Variants in PCGF3 observed in about 807,000 individuals in gnomAD.
The protein encoded by PCGF3 is polycomb group RING finger protein 3.
PCGF3 carries 7 observed loss-of-function variants against 33.1 expected under a neutral mutation model. That is an observed-to-expected ratio of 0.21 (90% CI 0.12 to 0.40). The LOEUF is 0.40. Among genes scored for constraint, PCGF3 ranks in the 10% least tolerant of loss-of-function variants. The pLI is 1.00. For missense variants in PCGF3, 211 were observed against 313.3 expected, an observed-to-expected ratio of 0.67 and a Z score of 2.46; for synonymous variants, 153 against 121.3, an observed-to-expected ratio of 1.26 and a Z score of -1.72.
rs542544890 is a variant in PCGF3, at chr4:730,802, G to C, written c.-151+134G>C. On this transcript the variant is annotated intron_variant, in intron 2 of 10. Transcript: ENST00000362003. ...AAACGCAGGCTCTGAGGACAGGCTG[G>C]AGCCATGCGTGGGTCCTTAGCTTTT... 3 of 385,560 alleles carry C rather than the reference G, an allele frequency of 7.8e-6. No homozygotes were observed. The East Asian group carries it at 1.1e-4, about 14-fold the overall frequency. The allele number at this position is 385,560 out of a possible 1,614,324, so 23.9% of individuals were successfully genotyped here.
At chr4:737,577 C>T (rs1416054148) in intron 6 of PCGF3, 56 bp downstream of exon 6, 3 of 1,093,126 alleles carry the variant, frequency 2.7e-6, no homozygotes, top group Non-Finnish European at 4.2e-6. Flanking sequence ...CTCTGCAGCC[C>T]CTGCTCTCCT....
chr4:758,860 C>G (rs373872209), intron 8 of PCGF3, among the ~76,000 whole-genome samples: 4 of 10,640 alleles, frequency 3.8e-4, no homozygotes, highest in Non-Finnish European at 4.2e-4. Flanking sequence ...CTCCCGAGTT[C>G]TTCTCCTTCC....
At position 721,993 on chromosome 4, in the gene PCGF3, G is replaced by A. The variant is rs1302929047; in HGVS notation, c.-189-8637G>A. ...AGGTGGATGGGTTGGGTGGCTCTGT[G>A]TGTGGGCGTGGAGAGGCCCGTGGCA... On this transcript the variant is annotated intron_variant, in intron 1 of 10. Transcript: ENST00000362003. The surrounding 1 kb of genome is among the most constrained non-coding windows in gnomAD (Gnocchi z 4.1). 6.6e-6 allele frequency among the ~76,000 whole-genome samples: 1 copy of A among 152,092 alleles called. No individual in the cohort carries two copies. Among genetic ancestry groups the A allele is most frequent in the Non-Finnish European group, 1.5e-5 (1 of 67,994 alleles).
At chr4:753,680 G>A (rs924352327) in intron 8 of PCGF3, among the ~76,000 whole-genome samples, 2 of 151,580 alleles carry the variant, frequency 1.3e-5, no homozygotes, top group Non-Finnish European at 2.9e-5. Flanking sequence ...AGGCACGGTG[G>A]CTCACGCCTG....
intron 5 of PCGF3, 76 bp from the exon 6 acceptor site, chr4:737,390 A>T: frequency 1.0e-6 from 1 of 960,248 alleles, no homozygotes. Flanking sequence ...GAACTTTGAT[A>T]TTGTTAAATG....
chr4:730,433 C>T (rs1238302657), intron 1 of PCGF3, among the ~76,000 whole-genome samples, 197 bp from the exon 2 acceptor site: 1 of 152,130 alleles, frequency 6.6e-6, no homozygotes. Context: ...GGCCTGGGCT[C>T]AGAGACGCCC....
intron 1 of PCGF3, among the ~76,000 whole-genome samples, chr4:723,224 C>T (rs1383521304): frequency 6.6e-6 from 1 of 152,232 alleles, no homozygotes; most frequent in Non-Finnish European, 1.5e-5. Flanking sequence ...GAGCTGTGTT[C>T]CCTGCGCATT....
At chr4:760,262 C>G (rs1313076255) in intron 8 of PCGF3, among the ~76,000 whole-genome samples, 3 of 152,164 alleles carry the variant, frequency 2.0e-5, no homozygotes, top group South Asian at 2.1e-4. Context: ...ACTTCCTTTC[C>G]TTTCTGTTCT....
chr4:763,506 G>GA (rs1745185566), intron 9 of PCGF3, among the ~76,000 whole-genome samples: 1 of 152,226 alleles, frequency 6.6e-6, no homozygotes, highest in South Asian at 2.1e-4. Flanking sequence ...CATGATCAGG[G>GA]AAACGCAAGG....
rs1577453906 is a variant in PCGF3 at position 766,316 on chromosome 4, C to T, written c.*237C>T. ...CGATCGTCCTCTCCCCCGCCCCACC[C>T]CGTGCTTCAGCCTTGCAGGGAGAGT... On this transcript the variant is annotated 3_prime_UTR_variant, in exon 11 of 11. Coordinates refer to ENST00000362003, the Ensembl canonical transcript of PCGF3. The T allele has an allele frequency of 1.3e-5, 6 of 466,282 alleles. No homozygotes were observed. The East Asian group carries it at 2.3e-4, about 18-fold the overall frequency. 28.9% of individuals were successfully genotyped at this position (466,282 alleles called of 1,614,324 possible). A position where few individuals can be genotyped will look rare whatever the true frequency, so the allele number is the denominator to read the frequency against.
chr4:716,639 TGA>T (rs1742860380), intron 1 of PCGF3, among the ~76,000 whole-genome samples: 1 of 128,998 alleles, frequency 7.8e-6, no homozygotes, highest in Admixed American at 7.8e-5. Flanking sequence ...CTGTAGACAC[TGA>T]GTGTGAGAAC....
At chr4:747,688 G>T (rs574786419) in intron 8 of PCGF3, among the ~76,000 whole-genome samples, 62 of 148,500 alleles carry the variant, frequency 4.2e-4, no homozygotes, top group Middle Eastern at 7.5e-3. Flanking sequence ...GTTAGTGCTC[G>T]CCGTGGAGGC....
intron 8 of PCGF3, among the ~76,000 whole-genome samples, chr4:759,898 C>T (rs1410430126): frequency 1.4e-5 from 2 of 142,096 alleles, no homozygotes; most frequent in South Asian, 2.6e-4. Flanking sequence ...TCTTTCTCCC[C>T]GCGCGGCCCC....
intron 6 of PCGF3, among the ~76,000 whole-genome samples, chr4:738,501 G>C (rs1164464006): frequency 6.6e-6 from 1 of 152,204 alleles, no homozygotes; most frequent in African/African-American, 2.4e-5. Flanking sequence ...GTAGCAGTGG[G>C]CGGGATCGGG....
At chr4:758,100 G>A (rs573476600) in intron 8 of PCGF3, among the ~76,000 whole-genome samples, 12 of 150,524 alleles carry the variant, frequency 8.0e-5, no homozygotes, top group African/African-American at 2.7e-4. Flanking sequence ...CCCAGGAGGC[G>A]GAGGTTGCAG....
intron 6 of PCGF3, among the ~76,000 whole-genome samples, chr4:740,838 G>C (rs1002181408): frequency 5.9e-5 from 9 of 152,208 alleles, no homozygotes; most frequent in African/African-American, 2.2e-4. Flanking sequence ...CCCGTCCGTG[G>C]TGCAGCTGAG....
At chr4:754,725 G>A (rs1744691982) in intron 8 of PCGF3, among the ~76,000 whole-genome samples, 1 of 152,202 alleles carries the variant, frequency 6.6e-6, no homozygotes, top group Non-Finnish European at 1.5e-5. Context: ...ATCGGGGTGT[G>A]CTGTGGGATG....
At chr4:726,750 C>G (rs1053215828) in intron 1 of PCGF3, among the ~76,000 whole-genome samples, 2 of 151,994 alleles carry the variant, frequency 1.3e-5, no homozygotes, top group South Asian at 4.1e-4. Context: ...AATTTCACCA[C>G]AGGAATGATG....
chr4:749,163 TTTTG>T (rs1287204035), intron 8 of PCGF3, among the ~76,000 whole-genome samples: 1 of 152,230 alleles, frequency 6.6e-6, no homozygotes, highest in Non-Finnish European at 1.5e-5. Context: ...AAATATTGAA[TTTTG>T]TTTTTTTCTT....
Sources: gnomAD v4.1 joint callset for allele counts (sites outside exome capture counted in the v4.1 genomes callset) on GRCh38, gnomAD v4.1.1 for gene constraint, Gnocchi (gnomAD v3.1) non-coding constraint, MANE v1.5 for transcripts, NCBI Gene and HGNC (gene_info 2026-07-23, HGNC 2026-07-21) for gene names.